Variants in SH2D4A observed in about 807,000 individuals in gnomAD.
The protein encoded by SH2D4A is SH2 domain containing 4A.
Under a neutral mutation model 64.7 loss-of-function variants are expected in SH2D4A, and 70 were observed. That is an observed-to-expected ratio of 1.08 (90% CI 0.89 to 1.32). SH2D4A has a LOEUF of 1.32. SH2D4A is among the 40% of genes most tolerant of loss of function. The pLI, the probability that SH2D4A is intolerant of heterozygous loss-of-function variation, is 0.00. For missense variants in SH2D4A, 706 were observed against 540.1 expected (o/e 1.31, Z -3.04); for synonymous variants, 268 against 200.7 (o/e 1.34, Z -2.83).
At chr8:19,369,593 A>T (rs954031332) in intron 7 of SH2D4A, among the ~76,000 whole-genome samples, 1 of 151,902 alleles carries the variant, frequency 6.6e-6, no homozygotes, top group Non-Finnish European at 1.5e-5. Context: ...TTATTGATTT[A>T]CTTCCAAGTT....
intron 4 of SH2D4A, among the ~76,000 whole-genome samples, chr8:19,343,926 G>A (rs2052570144): frequency 6.6e-6 from 1 of 152,186 alleles, no homozygotes; most frequent in South Asian, 2.1e-4. Flanking sequence ...AGGCAGAGAG[G>A]CCTGGGAGAA....
At position 19,395,370 on chromosome 8, in the gene SH2D4A, A is replaced by C. The variant is rs1470203990; in HGVS notation, c.*728A>C. On this transcript the variant is annotated 3_prime_UTR_variant, in exon 10 of 10. Transcript: ENST00000265807. The stretch of plus-strand genomic sequence containing the variant: ...CATGTATTTTTTTATTTTTTATCAG[A>C]AGTGCTTAGACAAGAACAGAATAAG... The C allele has an allele frequency of 1.3e-5, 2 of 152,204 alleles. No homozygotes were observed. The highest frequency in any genetic ancestry group is 1.5e-5 in the Non-Finnish European group (1 of 68,040). The allele number at this position is 152,204 out of a possible 1,614,324, so 9.4% of individuals were successfully genotyped here. A position where few individuals can be genotyped will look rare whatever the true frequency, so the allele number is the denominator to read the frequency against.
intron 9 of SH2D4A, 52 bp from the exon 10 acceptor site, chr8:19,394,498 G>A (rs1370297554): frequency 2.4e-6 from 3 of 1,251,024 alleles, no homozygotes; most frequent in Non-Finnish European, 3.4e-6. Flanking sequence ...GAAGTAGGAA[G>A]AGCATGTGGT....
rs757177163 is a variant in SH2D4A at position 19,393,549 on chromosome 8, A to G, written c.1272+8A>G. The G allele has an allele frequency of 3.7e-6, 6 of 1,613,520 alleles. No homozygotes were observed. The highest frequency in any genetic ancestry group is 4.2e-6 in the Non-Finnish European group (5 of 1,179,856). On this transcript the variant is annotated splice_region_variant and intron_variant, in intron 9 of 9. Coordinates refer to ENST00000265807, the MANE Select transcript of SH2D4A (RefSeq NM_022071.4). ...TTGGTGGAATATCACAAGGTGAAGC[A>G]ATGCATAAACTTAATTTGCCTTCTG... is the stretch of plus-strand genomic sequence containing the variant.
chr8:19,340,465 G>A (rs2052511669), intron 4 of SH2D4A, among the ~76,000 whole-genome samples: 1 of 152,138 alleles, frequency 6.6e-6, no homozygotes, highest in Admixed American at 6.5e-5. Flanking sequence ...CATCAGGATG[G>A]ACAGGCGTGT....
At chr8:19,333,211 T>G (rs963181033) in intron 3 of SH2D4A, 97 bp downstream of exon 3, 67 of 1,395,994 alleles carry the variant, frequency 4.8e-5, no homozygotes, top group Non-Finnish European at 6.1e-5. Flanking sequence ...GGTGGGAGAG[T>G]AGGGTTGGGT....
At chr8:19,337,555 G>A (rs185938650) in intron 4 of SH2D4A, among the ~76,000 whole-genome samples, 114 of 152,216 alleles carry the variant, frequency 7.5e-4, no homozygotes, top group African/African-American at 2.6e-3. Context: ...GAGAGAGAGT[G>A]TACTAGTCTG....
intron 8 of SH2D4A, among the ~76,000 whole-genome samples, chr8:19,385,144 C>A (rs544524274): frequency 6.6e-6 from 1 of 152,016 alleles, no homozygotes; most frequent in Non-Finnish European, 1.5e-5. Flanking sequence ...ATATTTTAAT[C>A]TACTTAGCAA....
At chr8:19,368,208 T>C (rs2053033914) in intron 7 of SH2D4A, among the ~76,000 whole-genome samples, 1 of 152,196 alleles carries the variant, frequency 6.6e-6, no homozygotes. Flanking sequence ...TTCTGTTTCA[T>C]TGTTTATGTG....
intron 9 of SH2D4A, 139 bp downstream of exon 9, chr8:19,393,680 C>CA: frequency 1.3e-6 from 1 of 765,476 alleles, no homozygotes; most frequent in Non-Finnish European, 2.1e-6. Flanking sequence ...TTTGATAATT[C>CA]TTCCTGATAA....
At chr8:19,380,631 C>A (rs955927837) in intron 8 of SH2D4A, among the ~76,000 whole-genome samples, 1 of 152,186 alleles carries the variant, frequency 6.6e-6, no homozygotes, top group Non-Finnish European at 1.5e-5. Context: ...GAAATGACTG[C>A]CCTTTCCCTA....
intron 4 of SH2D4A, among the ~76,000 whole-genome samples, chr8:19,353,206 G>A (rs899723695): frequency 6.6e-6 from 1 of 151,950 alleles, no homozygotes; most frequent in East Asian, 1.9e-4. Flanking sequence ...TATTTCCTGG[G>A]TCATAGCAGC....
At chr8:19,369,670 G>C (rs912579404) in intron 7 of SH2D4A, among the ~76,000 whole-genome samples, 1 of 151,956 alleles carries the variant, frequency 6.6e-6, no homozygotes, top group Admixed American at 6.6e-5. Flanking sequence ...TGTGGTATCA[G>C]TTGTGATGTC....
intron 2 of SH2D4A, 87 bp downstream of exon 2, chr8:19,319,815 G>A: frequency 1.5e-6 from 2 of 1,368,894 alleles, no homozygotes; most frequent in African/African-American, 1.5e-5. Context: ...CACAAGCAAA[G>A]CAGGTGCAAG....
intron 5 of SH2D4A, among the ~76,000 whole-genome samples, chr8:19,359,748 A>T (rs2052849800): frequency 6.9e-6 from 1 of 145,468 alleles, no homozygotes; most frequent in African/African-American, 2.8e-5. Flanking sequence ...ATCTGCAGTG[A>T]AGCACAATTT....
In SH2D4A at chr8:19,364,059, G is replaced by C. The variant is rs201619900; in HGVS notation, c.707-13G>C. 2 of 1,613,556 alleles carry C rather than the reference G, an allele frequency of 1.2e-6. No individual in the cohort carries two copies. The highest frequency in any genetic ancestry group is 1.7e-6 in the Non-Finnish European group (2 of 1,179,796). ...GCTGATGAGGGTTTTCTCCGACCCC[G>C]TTGTTTTTCCAGTGCGAAAATCCAA... On this transcript the variant is annotated splice_polypyrimidine_tract_variant and intron_variant, in intron 6 of 9. Transcript: ENST00000265807.
chr8:19,332,484 A>C (rs963412220), intron 2 of SH2D4A, among the ~76,000 whole-genome samples: 5 of 152,020 alleles, frequency 3.3e-5, no homozygotes, highest in African/African-American at 1.2e-4. Context: ...AAATACAAAA[A>C]TTAGCTGGTC....
At chr8:19,382,794 CTCTT>C (rs1015796434) in intron 8 of SH2D4A, among the ~76,000 whole-genome samples, 2 of 139,544 alleles carry the variant, frequency 1.4e-5, no homozygotes, top group African/African-American at 5.3e-5. Context: ...TTGCTTCTCT[CTCTT>C]TTCTCTCTTG....
chr8:19,393,428 T>A lies in SH2D4A; in HGVS notation c.1159T>A (p.Ser387Thr), dbSNP rs779794314. The A allele has an allele frequency of 6.2e-7, 1 of 1,614,228 alleles. No individual in the cohort carries two copies. Among genetic ancestry groups the A allele is most frequent in the Non-Finnish European group, 8.5e-7 (1 of 1,180,036 alleles). The change falls in exon 9 of 10, where the codon TCG becomes ACG. Residue 387 changes from serine to threonine, a missense_variant. Coordinates refer to ENST00000265807, the MANE Select transcript of SH2D4A (RefSeq NM_022071.4). ...CAAAGGCTATGCCCTGTCCTATCTG[T>A]CGGAGGACGGCTGTAAACATTTCCT... ...RIKGYALSYL[S>T]EDGCKHFLID... is the part of the protein sequence containing the mutation.
Sources: gnomAD v4.1 joint callset for allele counts (sites outside exome capture counted in the v4.1 genomes callset) on GRCh38, gnomAD v4.1.1 for gene constraint, MANE v1.5 for transcripts, NCBI Gene and HGNC (gene_info 2026-07-23, HGNC 2026-07-21) for gene names.